Variants in CLCA4 observed in about 807,000 individuals in gnomAD.
CLCA4 encodes the protein chloride channel accessory 4, also known as calcium-activated chloride channel regulator 4.
Under a neutral mutation model 78.9 loss-of-function variants are expected in CLCA4, and 69 were observed. The observed-to-expected ratio is 0.87, with a 90% CI of 0.72 to 1.07. The LOEUF is 1.07. CLCA4 is among the 50% of genes least tolerant of loss of function. The pLI, the probability that CLCA4 is intolerant of heterozygous loss-of-function variation, is 0.00. For synonymous variants in CLCA4, 362 were observed against 375.8 expected (o/e 0.96, Z 0.42); for missense variants, 1,133 against 1,095.8 (o/e 1.03, Z -0.48).
intron 1 of CLCA4, among the ~76,000 whole-genome samples, chr1:86,550,904 T>C (rs1649637043): frequency 6.7e-6 from 1 of 149,822 alleles, no homozygotes; most frequent in Admixed American, 6.7e-5. Flanking sequence ...CGATCTTGGC[T>C]CACTGCAAGC....
intron 1 of CLCA4, among the ~76,000 whole-genome samples, chr1:86,549,860 A>T (rs1234831774): frequency 6.6e-6 from 1 of 152,190 alleles, no homozygotes; most frequent in African/African-American, 2.4e-5. Context: ...TGGAGGCAGG[A>T]ATCTGAATTC....
At chr1:86,548,472 G>C (rs1391796735) in intron 1 of CLCA4, among the ~76,000 whole-genome samples, 1 of 151,974 alleles carries the variant, frequency 6.6e-6, no homozygotes, top group African/African-American at 2.4e-5. Flanking sequence ...CATGAGGTCA[G>C]GATTTCGAGA....
chr1:86,562,682 A>G (rs929999175), intron 3 of CLCA4, among the ~76,000 whole-genome samples: 1 of 151,888 alleles, frequency 6.6e-6, no homozygotes, highest in Non-Finnish European at 1.5e-5. Flanking sequence ...GTGAAACCCC[A>G]TCTCTACGAA....
intron 1 of CLCA4, among the ~76,000 whole-genome samples, chr1:86,549,713 A>G (rs770819374): frequency 1.3e-5 from 2 of 152,196 alleles, no homozygotes; most frequent in Non-Finnish European, 2.9e-5. Context: ...GTCAAGGAAG[A>G]ATTCAAGAGT....
chr1:86,570,822 C>T (rs1030742550), intron 7 of CLCA4, among the ~76,000 whole-genome samples: 4 of 152,022 alleles, frequency 2.6e-5, no homozygotes, highest in Admixed American at 6.6e-5. Context: ...GTCATTTAGT[C>T]TAGACAGGAT....
At chr1:86,575,235 C>G (rs902901652) in intron 10 of CLCA4, 97 bp from the exon 11 acceptor site, 2 of 1,069,640 alleles carry the variant, frequency 1.9e-6, no homozygotes, top group Non-Finnish European at 2.7e-6. Context: ...CCTCTTTATT[C>G]TCTCCCCATT....
At chr1:86,559,293 T>C (rs1213808861) in intron 1 of CLCA4, among the ~76,000 whole-genome samples, 1 of 152,172 alleles carries the variant, frequency 6.6e-6, no homozygotes, top group African/African-American at 2.4e-5. Context: ...CTATGGGTTT[T>C]TTTTCATCAC....
intron 9 of CLCA4, chr1:86,573,053 A>G (rs966002512): frequency 3.3e-6 from 1 of 301,138 alleles, no homozygotes. Flanking sequence ...AATGCATTTT[A>G]AAAGCTCATG....
chr1:86,563,794 C>T (rs1481821353), intron 4 of CLCA4, 25 bp downstream of exon 4: 2 of 1,302,326 alleles, frequency 1.5e-6, no homozygotes, highest in Non-Finnish European at 2.2e-6. Flanking sequence ...ATTTTCTAAA[C>T]TGACTTCAGG....
chr1:86,550,705 G>A (rs1225774696), intron 1 of CLCA4, among the ~76,000 whole-genome samples: 1 of 151,556 alleles, frequency 6.6e-6, no homozygotes, highest in Non-Finnish European at 1.5e-5. Flanking sequence ...TCATGCCACT[G>A]CATTCCAGCC....
In CLCA4 at chr1:86,563,740, T is replaced by C. The variant is rs1389432990; in HGVS notation, c.528T>C (p.Arg176=). Residue 176 remains arginine (R), a synonymous_variant, in exon 4 of 14, where the codon CGT becomes CGC. Coordinates refer to ENST00000370563, the MANE Select transcript of CLCA4 (RefSeq NM_012128.4). ...DEYNEDQPFY[R]AKSKKIEATR... ...ACAATGAAGATCAGCCTTTCTACCG[T>C]GCTAAGTCAAAAAAAATCGAAGCAA... 2.5e-6 allele frequency: 4 copies of C among 1,608,600 alleles called. No homozygotes were observed. The highest frequency in any genetic ancestry group is 2.7e-5 in the African/African-American group (2 of 74,766).
At chr1:86,550,596 T>A (rs939208122) in intron 1 of CLCA4, among the ~76,000 whole-genome samples, 1 of 150,146 alleles carries the variant, frequency 6.7e-6, no homozygotes, top group Non-Finnish European at 1.5e-5. Flanking sequence ...AAACTAGGGG[T>A]CCGAAAAAAA....
chr1:86,557,021 C>G (rs552395483), intron 1 of CLCA4, among the ~76,000 whole-genome samples: 1 of 152,166 alleles, frequency 6.6e-6, no homozygotes, highest in South Asian at 2.1e-4. Context: ...ATTTTTATTT[C>G]TGAGGGGTCA....
intron 11 of CLCA4, among the ~76,000 whole-genome samples, chr1:86,575,862 G>A (rs1033792852): frequency 6.6e-6 from 1 of 152,008 alleles, no homozygotes; most frequent in African/African-American, 2.4e-5. Context: ...AGGCCAAGGT[G>A]GGCAGATCAC....
intron 7 of CLCA4, among the ~76,000 whole-genome samples, chr1:86,570,779 G>A (rs1299710694): frequency 1.3e-5 from 2 of 152,004 alleles, no homozygotes; most frequent in African/African-American, 4.8e-5. Context: ...TTGGTATCTG[G>A]TTGACCTGAG....
At chr1:86,575,733 A>C (rs1650497289) in intron 11 of CLCA4, 134 bp downstream of exon 11, 1 of 805,434 alleles carries the variant, frequency 1.2e-6, no homozygotes, top group Non-Finnish European at 2.0e-6. Context: ...GAACAGCAGG[A>C]AATTTTATCT....
chr1:86,571,030 G>T, intron 7 of CLCA4, 47 bp from the exon 8 acceptor site: 3 of 1,424,380 alleles, frequency 2.1e-6, no homozygotes, highest in South Asian at 2.7e-5. Flanking sequence ...TTGTCTATTT[G>T]ATCTAGGAAC....
chr1:86,578,758 C>T (rs1252913609), intron 12 of CLCA4, among the ~76,000 whole-genome samples: 2 of 152,192 alleles, frequency 1.3e-5, no homozygotes, highest in South Asian at 2.1e-4. Context: ...AAGCACAAGC[C>T]TGTGCAGAAT....
intron 1 of CLCA4, among the ~76,000 whole-genome samples, chr1:86,549,591 G>A (rs1047935545): frequency 2.0e-5 from 3 of 152,214 alleles, no homozygotes; most frequent in Admixed American, 2.0e-4. Flanking sequence ...ACTCTTGCAG[G>A]TGGGCAGTGA....
Sources: allele counts gnomAD v4.1 joint callset (sites outside exome capture counted in the v4.1 genomes callset), GRCh38; gene constraint gnomAD v4.1.1; transcripts MANE v1.5; gene names NCBI Gene and HGNC (gene_info 2026-07-23, HGNC 2026-07-21).